Variants in ANKRD28 observed in about 807,000 individuals in gnomAD.
The protein encoded by ANKRD28 is ankyrin repeat domain 28.
Under a neutral mutation model 126.5 loss-of-function variants are expected in ANKRD28, and 44 were observed. The ratio of observed to expected loss-of-function variants is 0.35; its 90% CI spans 0.27 to 0.45. ANKRD28 has a LOEUF of 0.45. Among genes scored for constraint, ANKRD28 ranks in the 20% least tolerant of loss-of-function variants. The pLI is 1.00. For synonymous variants in ANKRD28, 442 were observed against 468.5 expected, an observed-to-expected ratio of 0.94 and a Z score of 0.73; for missense variants, 1,110 against 1,316.6, an observed-to-expected ratio of 0.84 and a Z score of 2.43.
chr3:15,845,336 AC>A lies in ANKRD28; in HGVS notation c.27+14040del, dbSNP rs2061508821. Among the ~76,000 whole-genome samples, 3 of 152,124 alleles carry A rather than the reference AC, an allele frequency of 2.0e-5. No individual in the cohort carries two copies. Among genetic ancestry groups the A allele is most frequent in the Admixed American group, 2.0e-4 (3 of 15,286 alleles). On this transcript the variant is annotated intron_variant, in intron 1 of 27. Coordinates refer to the ANKRD28 transcript ENST00000399451. The surrounding 1 kb of genome is among the most constrained non-coding windows in gnomAD (Gnocchi z 4.9). ...TATATATATATATATATTCCATATT[AC>A]ATTTATCCCTCTTGACTAGCTTCTC...
intron 1 of ANKRD28, among the ~76,000 whole-genome samples, chr3:15,823,704 G>A (rs939663659): frequency 1.3e-5 from 2 of 152,160 alleles, no homozygotes; most frequent in Non-Finnish European, 2.9e-5. Flanking sequence ...GCAGCATATT[G>A]AAAGAATTGT....
chr3:15,821,947 A>AT (rs1402993737), intron 1 of ANKRD28, among the ~76,000 whole-genome samples: 1 of 152,198 alleles, frequency 6.6e-6, no homozygotes, highest in Non-Finnish European at 1.5e-5. Flanking sequence ...TGTCAAAAGC[A>AT]TATCTCTCTC....
intron 1 of ANKRD28, among the ~76,000 whole-genome samples, chr3:15,811,487 C>T (rs13081148): frequency 6.6e-6 from 1 of 152,046 alleles, no homozygotes; most frequent in African/African-American, 2.4e-5. Flanking sequence ...TAGAGTCTTG[C>T]TCTGTTGCCC....
rs1177515578 is a variant in ANKRD28 at position 15,833,664 on chromosome 3, C to A, written c.27+25713G>T. Among the ~76,000 whole-genome samples the A allele has an allele frequency of 2.0e-5, 3 of 151,624 alleles. No homozygotes were observed. The highest frequency in any genetic ancestry group is 6.6e-5 in the Admixed American group (1 of 15,188). On this transcript the variant is annotated intron_variant, in intron 1 of 27. Coordinates refer to the ANKRD28 transcript ENST00000399451. The surrounding 1 kb of genome is among the most constrained non-coding windows in gnomAD (Gnocchi z 4.4). Reference sequence around the variant, plus strand: ...TTTTTGACCTTTTAATAGTAACTAACCATTCTGACTCATATAAGATGGTTT... The same window carrying A: ...TTTTTGACCTTTTAATAGTAACTAAACATTCTGACTCATATAAGATGGTTT...
At chr3:15,726,388 T>A (rs978116552) in intron 6 of ANKRD28, among the ~76,000 whole-genome samples, 1 of 152,212 alleles carries the variant, frequency 6.6e-6, no homozygotes, top group Non-Finnish European at 1.5e-5. Context: ...ATAAGAAAGA[T>A]AAGTGGCCTT....
intron 18 of ANKRD28, among the ~76,000 whole-genome samples, chr3:15,689,435 CT>C (rs2068523375): frequency 6.6e-6 from 1 of 152,208 alleles, no homozygotes; most frequent in Non-Finnish European, 1.5e-5. Flanking sequence ...CCACTGCCCC[CT>C]GAGGGGCCCC....
intron 2 of ANKRD28, among the ~76,000 whole-genome samples, chr3:15,780,444 T>C (rs1257430374): frequency 6.6e-6 from 1 of 152,042 alleles, no homozygotes; most frequent in Non-Finnish European, 1.5e-5. Flanking sequence ...TGAGAAGATA[T>C]ACTGTGTTCA....
intron 8 of ANKRD28, among the ~76,000 whole-genome samples, chr3:15,719,709 C>T (rs953257077): frequency 6.6e-6 from 1 of 152,058 alleles, no homozygotes; most frequent in East Asian, 1.9e-4. Context: ...CCTAGGACTA[C>T]AGGATAATTT....
chr3:15,674,375 TCTA>T lies in ANKRD28; in HGVS notation c.2965+1520_2965+1522del, dbSNP rs1295116118. On this transcript the variant is annotated intron_variant, in intron 27 of 27. Coordinates refer to ENST00000683139, the MANE Select transcript of ANKRD28 (RefSeq NM_001349278.2). ...ATGAGTGAGAGGAATCAAGGATGAC[TCTA>T]GGGGTTTTGCCCTGAGCCACTGTTA... is the stretch of plus-strand genomic sequence containing the variant. 1.4e-4 allele frequency among the ~76,000 whole-genome samples: 15 copies of T among 109,182 alleles called. No homozygotes were observed. The South Asian group carries it at 5.7e-3, about 41-fold the overall frequency. 71.6% of individuals were successfully genotyped at this position (109,182 alleles called of 152,430 possible). A position where few individuals can be genotyped will look rare whatever the true frequency, so the allele number is the denominator to read the frequency against.
intron 1 of ANKRD28, among the ~76,000 whole-genome samples, chr3:15,831,745 T>C (rs2061195588): frequency 6.6e-6 from 1 of 152,156 alleles, no homozygotes; most frequent in African/African-American, 2.4e-5. Context: ...ACATTCTGAG[T>C]TCTACCTTCA....
intron 6 of ANKRD28, chr3:15,732,823 G>GT (rs1559428014): frequency 6.6e-6 from 1 of 152,252 alleles, no homozygotes; most frequent in East Asian, 1.9e-4. Flanking sequence ...CCAAATCCTT[G>GT]TAACAGATAT....
At chr3:15,798,170 T>C, upstream of ANKRD28, 1 of 985,410 alleles carries the variant, frequency 1.0e-6, no homozygotes, top group Non-Finnish European at 1.2e-6. Context: ...GTGTACTGCC[T>C]CTGCTGACTA....
In ANKRD28 at chr3:15,766,365, A is replaced by G. The variant is rs868580977; in HGVS notation, c.202-53T>C. 9 of 1,347,104 alleles carry G rather than the reference A, an allele frequency of 6.7e-6. No individual in the cohort carries two copies. The Middle Eastern group carries it at 1.7e-3, about 250-fold the overall frequency. The allele number at this position is 1,347,104 out of a possible 1,614,324, so 83.4% of individuals were successfully genotyped here. A position where few individuals can be genotyped will look rare whatever the true frequency, so the allele number is the denominator to read the frequency against. On this transcript the variant is annotated intron_variant, in intron 2 of 27. Transcript: ENST00000683139. ...AAGTTTTAAAATAAGATTAATTTTA[A>G]TAATAGTTTTAATAACCACAACAAC...
At chr3:15,795,681 T>A (rs182188182) in intron 1 of ANKRD28, among the ~76,000 whole-genome samples, 1 of 152,120 alleles carries the variant, frequency 6.6e-6, no homozygotes, top group Non-Finnish European at 1.5e-5. Context: ...TTCCAGCCCA[T>A]GAAGGAAGGC....
intron 21 of ANKRD28, 148 bp from the exon 22 acceptor site, chr3:15,679,711 G>T: frequency 1.5e-6 from 1 of 658,302 alleles, no homozygotes; most frequent in Non-Finnish European, 2.6e-6. Flanking sequence ...ACCATTGGTA[G>T]CTGTTAAGCC....
chr3:15,766,238 T>A lies in ANKRD28; in HGVS notation c.276A>T (p.Leu92Phe), dbSNP rs755579612. 1.9e-6 allele frequency: 3 copies of A among 1,609,794 alleles called. No individual in the cohort carries two copies. Among genetic ancestry groups the A allele is most frequent in the Non-Finnish European group, 2.5e-6 (3 of 1,177,252 alleles). ...ATTACTCAGAGGTTACCATACCAGA[T>A]AAAATAAGAAGTTCAATGATTTCTG... ...GDAEIIELLI[L>F]SGARVNAKDS... Residue 92 changes from leucine to phenylalanine, a missense_variant, in exon 3 of 28, where the codon TTA (leucine) becomes TTT (phenylalanine). Coordinates refer to ENST00000683139, the MANE Select transcript of ANKRD28 (RefSeq NM_001349278.2).
chr3:15,689,438 AG>A (rs2068523981), intron 18 of ANKRD28, among the ~76,000 whole-genome samples: 3 of 152,230 alleles, frequency 2.0e-5, no homozygotes, highest in Non-Finnish European at 2.9e-5. Flanking sequence ...CTGCCCCCTG[AG>A]GGGCCCCTAA....
At chr3:15,777,290 A>G (rs1307664699) in intron 2 of ANKRD28, among the ~76,000 whole-genome samples, 2 of 148,778 alleles carry the variant, frequency 1.3e-5, no homozygotes, top group African/African-American at 4.9e-5. Context: ...AAAAAAAAAG[A>G]AAAAAAAGAA....
At position 15,740,135 on chromosome 3, in the gene ANKRD28, AG is replaced by A. The variant is rs1338605501; in HGVS notation, c.352-2903del. 2.6e-5 allele frequency among the ~76,000 whole-genome samples: 4 copies of A among 152,384 alleles called. No individual in the cohort carries two copies. In the East Asian group the frequency reaches 7.7e-4, roughly 29 times the overall value. On this transcript the variant is annotated intron_variant, in intron 4 of 27. Coordinates refer to ENST00000683139, the MANE Select transcript of ANKRD28 (RefSeq NM_001349278.2). ...GTTGAACAAAAGAAGTCGTGACACA[AG>A]AATACATATTGTATGATTCCATTTT...
Sources: allele counts gnomAD v4.1 joint callset (sites outside exome capture counted in the v4.1 genomes callset), GRCh38; gene constraint gnomAD v4.1.1; non-coding constraint Gnocchi (gnomAD v3.1); transcripts MANE v1.5; gene names NCBI Gene and HGNC (gene_info 2026-07-23, HGNC 2026-07-21).